The following ADCY2 variants were observed in gnomAD, a reference collection of about 807,000 sequenced individuals.
The protein encoded by ADCY2 is adenylate cyclase type 2.
ADCY2 carries 31 observed loss-of-function variants against 125.2 expected under a neutral mutation model. The observed-to-expected ratio is 0.25, with a 90% CI of 0.19 to 0.33. The LOEUF (loss-of-function observed/expected upper bound fraction) is 0.33. Among genes scored for constraint, ADCY2 ranks in the 10% least tolerant of loss-of-function variants. The pLI is 1.00. For missense variants in ADCY2, 904 were observed against 1,418.2 expected, an observed-to-expected ratio of 0.64 and a Z score of 5.82; for synonymous variants, 512 against 548.4, an observed-to-expected ratio of 0.93 and a Z score of 0.93.
At chr5:7,549,307 C>A (rs1735251074) in intron 3 of ADCY2, among the ~76,000 whole-genome samples, 1 of 152,210 alleles carries the variant, frequency 6.6e-6, no homozygotes, top group Non-Finnish European at 1.5e-5. Flanking sequence ...AGGCAGCACT[C>A]CCATCTGGAG....
chr5:7,716,373 G>T (rs1272782407), intron 11 of ADCY2, among the ~76,000 whole-genome samples: 3 of 152,168 alleles, frequency 2.0e-5, no homozygotes, highest in East Asian at 1.9e-4. Flanking sequence ...TTTTACAGGG[G>T]AATTTCCAGA....
At chr5:7,552,858 T>C (rs1332577151) in intron 3 of ADCY2, among the ~76,000 whole-genome samples, 1 of 152,204 alleles carries the variant, frequency 6.6e-6, no homozygotes, top group African/African-American at 2.4e-5. Flanking sequence ...TTTCTGATAA[T>C]ACATTATTTA....
intron 3 of ADCY2, among the ~76,000 whole-genome samples, chr5:7,550,840 T>C (rs1289382448): frequency 6.6e-6 from 1 of 152,178 alleles, no homozygotes; most frequent in Non-Finnish European, 1.5e-5. Flanking sequence ...CTGAGCCACC[T>C]GCTCCCTGGG....
chr5:7,679,021 T>C (rs946345421), intron 4 of ADCY2, among the ~76,000 whole-genome samples: 1 of 152,248 alleles, frequency 6.6e-6, no homozygotes, highest in African/African-American at 2.4e-5. Flanking sequence ...GAACAAAATA[T>C]TGAAGAAGGC....
intron 22 of ADCY2, among the ~76,000 whole-genome samples, chr5:7,808,168 G>A (rs1481276041): frequency 6.6e-6 from 1 of 152,206 alleles, no homozygotes; most frequent in South Asian, 2.1e-4. Flanking sequence ...GCCTTACCTA[G>A]CTGTCTGAGT....
chr5:7,478,734 G>T (rs1742608838), intron 2 of ADCY2, among the ~76,000 whole-genome samples: 1 of 152,122 alleles, frequency 6.6e-6, no homozygotes, highest in Non-Finnish European at 1.5e-5. Flanking sequence ...TACCGAAAGT[G>T]TGTTTATTTT....
At chr5:7,487,429 T>A (rs1467095467) in intron 2 of ADCY2, among the ~76,000 whole-genome samples, 1 of 152,228 alleles carries the variant, frequency 6.6e-6, no homozygotes, top group African/African-American at 2.4e-5. Flanking sequence ...CATAAACAGA[T>A]AACCTATGTC....
intron 2 of ADCY2, among the ~76,000 whole-genome samples, chr5:7,496,104 A>T (rs1278076846): frequency 2.0e-5 from 3 of 152,192 alleles, no homozygotes; most frequent in African/African-American, 7.2e-5. Flanking sequence ...TCTAAGACTT[A>T]TGATTTTTCA....
chr5:7,703,954 A>G (rs1434526686), intron 7 of ADCY2, among the ~76,000 whole-genome samples: 2 of 150,042 alleles, frequency 1.3e-5, no homozygotes. Flanking sequence ...GTGAGACAAG[A>G]TCACACCACT....
At chr5:7,738,202 CAT>C (rs1336328585) in intron 14 of ADCY2, among the ~76,000 whole-genome samples, 15 of 152,056 alleles carry the variant, frequency 9.9e-5, no homozygotes, top group Non-Finnish European at 2.1e-4. Flanking sequence ...TGACATGTGA[CAT>C]ATACTGAGAA....
intron 3 of ADCY2, among the ~76,000 whole-genome samples, chr5:7,562,385 C>A (rs1381080277): frequency 4.6e-5 from 7 of 151,990 alleles, no homozygotes; most frequent in Non-Finnish European, 7.4e-5. Context: ...GAGTGAGCAT[C>A]CTTATAGCAT....
intron 3 of ADCY2, among the ~76,000 whole-genome samples, chr5:7,567,934 TC>T (rs869101425): frequency 5.2e-5 from 5 of 95,348 alleles, no homozygotes; most frequent in Non-Finnish European, 1.2e-4. Flanking sequence ...TCTCTTTCTC[TC>T]TCTCTCTCTC....
chr5:7,528,464 T>C (rs1342124301), intron 3 of ADCY2, among the ~76,000 whole-genome samples: 1 of 152,122 alleles, frequency 6.6e-6, no homozygotes, highest in African/African-American at 2.4e-5. Context: ...TTTGGAGCTG[T>C]TTTGTGGAGG....
At chr5:7,403,233 TGAAA>T (rs1739337629) in intron 1 of ADCY2, among the ~76,000 whole-genome samples, 1 of 152,172 alleles carries the variant, frequency 6.6e-6, no homozygotes. Context: ...GTGGTCATTA[TGAAA>T]GAAATAAAAT....
At chr5:7,624,783 T>C (rs1416757943) in intron 3 of ADCY2, among the ~76,000 whole-genome samples, 5 of 152,130 alleles carry the variant, frequency 3.3e-5, no homozygotes, top group Admixed American at 3.3e-4. Flanking sequence ...GGGAGATTCT[T>C]AGGGAGGAGC....
At chr5:7,793,038 C>T (rs562898542) in intron 20 of ADCY2, among the ~76,000 whole-genome samples, 15 of 152,328 alleles carry the variant, frequency 9.8e-5, no homozygotes, top group African/African-American at 3.4e-4. Context: ...TCCACTTCCC[C>T]TGTGGCCCTG....
intron 2 of ADCY2, among the ~76,000 whole-genome samples, chr5:7,513,938 C>A (rs1236664607): frequency 2.0e-5 from 3 of 152,128 alleles, no homozygotes; most frequent in Non-Finnish European, 4.4e-5. Flanking sequence ...ACTAGCCTAA[C>A]AAAAATAGGA....
At chr5:7,511,311 C>T (rs1315637930) in intron 2 of ADCY2, among the ~76,000 whole-genome samples, 1 of 152,190 alleles carries the variant, frequency 6.6e-6, no homozygotes, top group Non-Finnish European at 1.5e-5. Flanking sequence ...GGCGGTGCCT[C>T]ACGCCTGTAA....
chr5:7,520,703 T>C (rs778092359), intron 2 of ADCY2, 35 bp from the exon 3 acceptor site: 3 of 1,609,932 alleles, frequency 1.9e-6, no homozygotes, highest in South Asian at 1.1e-5. Context: ...CCAGAATATT[T>C]GGTGACTCTT....
Sources: allele counts gnomAD v4.1 joint callset (sites outside exome capture counted in the v4.1 genomes callset), GRCh38; gene constraint gnomAD v4.1.1; transcripts MANE v1.5; gene names NCBI Gene and HGNC (gene_info 2026-07-23, HGNC 2026-07-21).